CDH13: variants seen among roughly 807,000 people sequenced by gnomAD.
CDH13 encodes the protein cadherin-13.
In CDH13, 24 loss-of-function variants were observed where a neutral mutation model predicts 63.8. The ratio of observed to expected loss-of-function variants is 0.38; its 90% CI spans 0.27 to 0.53. The LOEUF (loss-of-function observed/expected upper bound fraction) is 0.53. Ranked by LOEUF, CDH13 falls within the 20% of genes least tolerant of loss-of-function variation. The probability of loss-of-function intolerance (pLI) is 0.85; values close to 1 mark genes in which losing one functional copy is unlikely to be tolerated. For synonymous variants in CDH13, 503 were observed against 355.3 expected (o/e 1.42, Z -4.67); for missense variants, 1,049 against 903.1 (o/e 1.16, Z -2.07).
intron 1 of CDH13, among the ~76,000 whole-genome samples, chr16:82,752,672 T>C (rs1250013602): frequency 6.6e-6 from 1 of 152,164 alleles, no homozygotes; most frequent in African/African-American, 2.4e-5. Flanking sequence ...GAGCAGGAAA[T>C]TGAGCCAGTC....
At chr16:83,054,302 A>G (rs543609150) in intron 3 of CDH13, among the ~76,000 whole-genome samples, 130 of 152,368 alleles carry the variant, frequency 8.5e-4, no homozygotes, top group African/African-American at 2.9e-3. Context: ...GGACACAATC[A>G]GAGATTAAAA....
At chr16:82,797,942 C>A (rs16958689) in intron 1 of CDH13, among the ~76,000 whole-genome samples, 8,612 of 152,166 alleles carry the variant, frequency 0.057, 741 homozygotes, top group African/African-American at 0.19. Context: ...TTTGTGCTTT[C>A]AAAGTTCATG....
intron 2 of CDH13, among the ~76,000 whole-genome samples, chr16:82,867,493 A>T (rs193107366): frequency 2.4e-4 from 37 of 152,236 alleles, no homozygotes; most frequent in Non-Finnish European, 4.4e-4. Context: ...CTTAACTCTC[A>T]GCTTTCCACC....
At chr16:83,010,155 A>AAAAAAAAAAC (rs1913990885) in intron 2 of CDH13, among the ~76,000 whole-genome samples, 1 of 130,370 alleles carries the variant, frequency 7.7e-6, no homozygotes, top group Non-Finnish European at 1.7e-5. Context: ...AAAAAAAAAA[A>AAAAAAAAAAC]AAAAAAACAA....
rs2035627258 is a variant in CDH13 at position 82,779,001 on chromosome 16, T to TTG, written c.46-79360_46-79359dup. Among the ~76,000 whole-genome samples the TTG allele has an allele frequency of 2.0e-5, 3 of 152,136 alleles. No individual in the cohort carries two copies. The South Asian group carries it at 6.2e-4, about 32-fold the overall frequency. ...ATTAAATCAATCTCAGATGGAAGAA[T>TTG]TGAGATCCCGGAAAGCAAAGAAATG... is the stretch of plus-strand genomic sequence containing the variant. On this transcript the variant is annotated intron_variant, in intron 1 of 13. Transcript: ENST00000567109.
intron 4 of CDH13, among the ~76,000 whole-genome samples, chr16:83,176,275 G>T (rs2038119265): frequency 1.3e-5 from 2 of 151,986 alleles, no homozygotes; most frequent in Admixed American, 6.6e-5. Flanking sequence ...ACTTTGGGAG[G>T]CTGAGGCAGG....
chr16:83,213,704 G>A (rs925774467), intron 4 of CDH13, among the ~76,000 whole-genome samples: 6 of 152,220 alleles, frequency 3.9e-5, no homozygotes, highest in Non-Finnish European at 8.8e-5. Context: ...AGGAGAACAA[G>A]AGGAAGGAGT....
intron 6 of CDH13, among the ~76,000 whole-genome samples, chr16:83,407,489 GACT>G (rs2092065240): frequency 6.6e-6 from 1 of 152,114 alleles, no homozygotes; most frequent in African/African-American, 2.4e-5. Flanking sequence ...TTTTCAGCTA[GACT>G]ACTATGACTC....
chr16:82,988,132 G>A (rs1004363531), intron 2 of CDH13, among the ~76,000 whole-genome samples: 25 of 152,288 alleles, frequency 1.6e-4, no homozygotes, highest in African/African-American at 5.5e-4. Context: ...CAAAACCAAA[G>A]CAATATAACC....
At chr16:83,714,570 T>G (rs1908605045) in intron 10 of CDH13, among the ~76,000 whole-genome samples, 1 of 152,164 alleles carries the variant, frequency 6.6e-6, no homozygotes, top group African/African-American at 2.4e-5. Flanking sequence ...AGCTAAAGAC[T>G]TTTACCTATT....
chr16:82,776,943 A>G (rs920742023), intron 1 of CDH13, among the ~76,000 whole-genome samples: 5 of 152,204 alleles, frequency 3.3e-5, no homozygotes, highest in Admixed American at 6.5e-5. Flanking sequence ...GCCAGATACT[A>G]TGCTTTTCAC....
At chr16:83,528,154 A>T (rs938226253) in intron 7 of CDH13, among the ~76,000 whole-genome samples, 1 of 152,182 alleles carries the variant, frequency 6.6e-6, no homozygotes. Context: ...TAGCAGTGAT[A>T]ACTAAACATA....
chr16:82,919,742 G>C (rs28701026), intron 2 of CDH13, among the ~76,000 whole-genome samples: 55,908 of 152,004 alleles, frequency 0.37, 11,186 homozygotes, highest in Non-Finnish European at 0.46. Flanking sequence ...CTTAAGCCGC[G>C]GTATAATTCT....
chr16:82,946,619 G>T (rs576674894), intron 2 of CDH13, among the ~76,000 whole-genome samples: 1 of 152,098 alleles, frequency 6.6e-6, no homozygotes, highest in Non-Finnish European at 1.5e-5. Context: ...TGCTTAGGAG[G>T]CTGAGGCGTG....
intron 6 of CDH13, among the ~76,000 whole-genome samples, chr16:83,382,011 T>TG (rs1423694885): frequency 3.9e-5 from 6 of 152,214 alleles, no homozygotes; most frequent in Non-Finnish European, 7.3e-5. Flanking sequence ...AAAGTCTCCC[T>TG]TATGACCTAA....
intron 3 of CDH13, among the ~76,000 whole-genome samples, chr16:83,106,956 C>T (rs1597348370): frequency 6.6e-6 from 1 of 151,762 alleles, no homozygotes; most frequent in Admixed American, 6.6e-5. Context: ...ATAGTGCATC[C>T]CTCCTACCGA....
chr16:83,306,698 G>T (rs745608338), intron 5 of CDH13, among the ~76,000 whole-genome samples: 2 of 152,160 alleles, frequency 1.3e-5, no homozygotes, highest in African/African-American at 2.4e-5. Context: ...CTAGTGATAG[G>T]AGATTAGGCT....
intron 6 of CDH13, among the ~76,000 whole-genome samples, chr16:83,356,014 C>G (rs2091046612): frequency 6.6e-6 from 1 of 152,160 alleles, no homozygotes; most frequent in Non-Finnish European, 1.5e-5. Context: ...GGTCACACAG[C>G]TGGTGGGTGA....
At chr16:82,883,035 G>A (rs747856949) in intron 2 of CDH13, among the ~76,000 whole-genome samples, 15 of 152,100 alleles carry the variant, frequency 9.9e-5, no homozygotes, top group Admixed American at 5.9e-4. Context: ...AATTATCTGG[G>A]TTTTATTATC....
Sources: gnomAD v4.1 joint callset for allele counts (sites outside exome capture counted in the v4.1 genomes callset) on GRCh38, gnomAD v4.1.1 for gene constraint, MANE v1.5 for transcripts, NCBI Gene and HGNC (gene_info 2026-07-23, HGNC 2026-07-21) for gene names.